PIGK: variants seen among roughly 807,000 people sequenced by gnomAD.
PIGK encodes the protein GPI-anchor transamidase.
Under a neutral mutation model 50.6 loss-of-function variants are expected in PIGK, and 42 were observed. That is an observed-to-expected ratio of 0.83 (90% CI 0.65 to 1.07). The LOEUF (loss-of-function observed/expected upper bound fraction) is 1.07, where lower values mean the gene tolerates loss of function less well. Among genes scored for constraint, PIGK ranks in the 50% least tolerant of loss-of-function variants. The pLI, the probability that PIGK is intolerant of heterozygous loss-of-function variation, is 0.00. For missense variants in PIGK, 448 were observed against 488.7 expected (o/e 0.92, Z 0.78); for synonymous variants, 151 against 156.0 (o/e 0.97, Z 0.24).
chr1:77,151,248 A>C lies in PIGK; in HGVS notation c.986+3201T>G, dbSNP rs147880459. Among the ~76,000 whole-genome samples the C allele has an allele frequency of 3.8e-3, 572 of 152,346 alleles. 5 individuals are homozygous for C. Among genetic ancestry groups the C allele is most frequent in the African/African-American group, 0.013 (542 of 41,586 alleles). On this transcript the variant is annotated intron_variant, in intron 9 of 10. Transcript: ENST00000370812. ...ATCAACAGAATCAAGGACAAAATCC[A>C]TATGATAATTTCAACAGATGCTGAA...
At chr1:77,142,984 A>C (rs114484200) in intron 9 of PIGK, among the ~76,000 whole-genome samples, 1,810 of 152,312 alleles carry the variant, frequency 0.012, 10 homozygotes, top group Middle Eastern at 0.024. Flanking sequence ...CACTTGTAGA[A>C]TATTTGAAAA....
chr1:77,190,707 C>T (rs1300716568), intron 3 of PIGK, among the ~76,000 whole-genome samples: 5 of 152,122 alleles, frequency 3.3e-5, no homozygotes, highest in East Asian at 1.9e-4. Context: ...GATAAAGAGG[C>T]TAATATTCTA....
chr1:77,200,480 G>A (rs561559869), intron 3 of PIGK, among the ~76,000 whole-genome samples: 253 of 152,058 alleles, frequency 1.7e-3, no homozygotes, highest in Admixed American at 3.1e-3. Flanking sequence ...ATTTAATGAT[G>A]AGTATGCATA....
At chr1:77,189,230 T>A (rs1378527720) in intron 3 of PIGK, among the ~76,000 whole-genome samples, 6 of 152,168 alleles carry the variant, frequency 3.9e-5, no homozygotes, top group Admixed American at 3.9e-4. Flanking sequence ...CAAAATTATG[T>A]TTTTAGGCAA....
chr1:77,112,623 G>T (rs934016946), intron 10 of PIGK, among the ~76,000 whole-genome samples: 1 of 151,696 alleles, frequency 6.6e-6, no homozygotes. Flanking sequence ...ACCTTATTAC[G>T]TTGTAAGTCA....
chr1:77,171,463 A>AAAAAAAAAG (rs1655361600), intron 3 of PIGK, among the ~76,000 whole-genome samples: 1 of 144,092 alleles, frequency 6.9e-6, no homozygotes, highest in Non-Finnish European at 1.5e-5. Context: ...AAAAAAAAAA[A>AAAAAAAAAG]GAATATTTCT....
In PIGK at chr1:77,219,357, T is replaced by A; in HGVS notation, c.46A>T (p.Thr16Ser). Residue 16 changes from threonine (T) to serine (S), a missense_variant, in exon 1 of 11, where the codon ACT (threonine) becomes TCT (serine). Physicochemically the swap from Thr to Ser is moderately conservative, Grantham distance 58 (BLOSUM62 1). Transcript: ENST00000370812. The stretch of plus-strand genomic sequence containing the variant: ...CTGCCGAAGGACAAGAGCAACACAG[T>A]TGCCAAGACAGTCGCAGCCCGGCTG... ...SLSRAATVLA[T>S]VLLLSFGSVA... The A allele has an allele frequency of 6.2e-7, 1 of 1,613,618 alleles. No individual in the cohort carries two copies. Among genetic ancestry groups the A allele is most frequent in the African/African-American group, 1.3e-5 (1 of 74,950 alleles).
At chr1:77,208,963 C>T (rs573551082) in intron 2 of PIGK, among the ~76,000 whole-genome samples, 93 of 152,254 alleles carry the variant, frequency 6.1e-4, no homozygotes, top group African/African-American at 2.1e-3. Context: ...GTTTATTCTG[C>T]ACTTTAAGCT....
At chr1:77,211,089 A>G (rs1410333636) in intron 1 of PIGK, among the ~76,000 whole-genome samples, 1 of 151,826 alleles carries the variant, frequency 6.6e-6, no homozygotes, top group Non-Finnish European at 1.5e-5. Context: ...TATTTTTTCT[A>G]CTGTGTTTAT....
intron 9 of PIGK, among the ~76,000 whole-genome samples, chr1:77,145,513 C>A (rs1248091636): frequency 6.6e-6 from 1 of 151,794 alleles, no homozygotes; most frequent in Non-Finnish European, 1.5e-5. Context: ...TAGGAAATAT[C>A]TACAATAAAA....
In PIGK at chr1:77,169,162, T is replaced by C. The variant is rs1655299572; in HGVS notation, c.375+98A>G. 4 of 762,290 alleles carry C rather than the reference T, an allele frequency of 5.2e-6. No homozygotes were observed. The South Asian group carries it at 1.2e-4, about 22-fold the overall frequency. 47.2% of individuals were successfully genotyped at this position (762,290 alleles called of 1,614,324 possible). On this transcript the variant is annotated intron_variant, in intron 4 of 10. Coordinates refer to ENST00000370812, the MANE Select transcript of PIGK (RefSeq NM_005482.3). ...CATCAAGGCTTCAGTGACAATTAAA[T>C]TTAAAGAAAAATAATAAGACAATTT...
At chr1:77,106,443 A>G (rs1202498342) in intron 10 of PIGK, among the ~76,000 whole-genome samples, 1 of 152,190 alleles carries the variant, frequency 6.6e-6, no homozygotes, top group Non-Finnish European at 1.5e-5. Flanking sequence ...AATGATCATA[A>G]ACAACATTCC....
chr1:77,117,340 T>C (rs553916098), intron 10 of PIGK, among the ~76,000 whole-genome samples: 12 of 152,232 alleles, frequency 7.9e-5, no homozygotes, highest in Non-Finnish European at 1.2e-4. Context: ...TATTTTATGA[T>C]ACTTAAACCA....
At chr1:77,191,366 T>C (rs756147576) in intron 3 of PIGK, among the ~76,000 whole-genome samples, 1 of 152,230 alleles carries the variant, frequency 6.6e-6, no homozygotes, top group Non-Finnish European at 1.5e-5. Context: ...ACTTTTGTTA[T>C]TTTTCCAATA....
At chr1:77,142,166 G>A (rs1282087654) in intron 9 of PIGK, among the ~76,000 whole-genome samples, 1 of 152,080 alleles carries the variant, frequency 6.6e-6, no homozygotes, top group Non-Finnish European at 1.5e-5. Context: ...AGCTACACTG[G>A]TAAGTATGGG....
At chr1:77,107,879 A>G (rs1653729891) in intron 10 of PIGK, among the ~76,000 whole-genome samples, 1 of 152,110 alleles carries the variant, frequency 6.6e-6, no homozygotes, top group African/African-American at 2.4e-5. Flanking sequence ...TTGTTGGTTT[A>G]AAGTCTGTTT....
Position 77,169,265 on chromosome 1 carries a change from A to G in PIGK, c.370T>C (p.Tyr124His). ...GDDVEVDYRS[Y>H]EVTVENFLRV... ...GGCTAGATTAAAGAATTTACCTCGT[A>G]ACTTCTATAATCCACTTCCACATCA... The change falls in exon 4 of 11, where the codon TAC becomes CAC. Residue 124 changes from tyrosine to histidine, a missense_variant. Transcript: ENST00000370812. 1 of 1,549,722 alleles carries G rather than the reference A, an allele frequency of 6.5e-7. No individual in the cohort carries two copies.
chr1:77,130,148 TCAC>T (rs1654334997), intron 9 of PIGK, among the ~76,000 whole-genome samples: 1 of 150,734 alleles, frequency 6.6e-6, no homozygotes, highest in African/African-American at 2.4e-5. Flanking sequence ...ACAAATAACG[TCAC>T]CACACTTTTT....
chr1:77,214,334 C>T (rs1245449973), intron 1 of PIGK, among the ~76,000 whole-genome samples: 1 of 151,844 alleles, frequency 6.6e-6, no homozygotes, highest in African/African-American at 2.4e-5. Context: ...TAATACACCA[C>T]AATAGAGTAG....
Sources: gnomAD v4.1 joint callset for allele counts (sites outside exome capture counted in the v4.1 genomes callset) on GRCh38, gnomAD v4.1.1 for gene constraint, MANE v1.5 for transcripts, NCBI Gene and HGNC (gene_info 2026-07-23, HGNC 2026-07-21) for gene names.